The following TTC34 variants were observed in gnomAD, a reference collection of about 807,000 sequenced individuals.
TTC34 encodes the protein tetratricopeptide repeat domain 34.
Under a neutral mutation model 40.7 loss-of-function variants are expected in TTC34, and 44 were observed. The ratio of observed to expected loss-of-function variants is 1.08; its 90% confidence interval spans 0.85 to 1.39. The LOEUF is 1.39. TTC34 is among the 40% of genes most tolerant of loss of function. TTC34 has a pLI of 0.00. For missense variants in TTC34, 884 were observed against 838.0 expected, an observed-to-expected ratio of 1.05 and a Z score of -0.68; for synonymous variants, 422 against 398.6, an observed-to-expected ratio of 1.06 and a Z score of -0.70.
At chr1:2,757,057 G>GCACCCT (rs1641530636) in intron 6 of TTC34, among the ~76,000 whole-genome samples, 3 of 148,702 alleles carry the variant, frequency 2.0e-5, no homozygotes, top group Non-Finnish European at 4.5e-5. Flanking sequence ...GCCTGGAACA[G>GCACCCT]GACCCACACC....
chr1:2,794,092 C>G (rs1243302539), intron 2 of TTC34, among the ~76,000 whole-genome samples: 1 of 152,104 alleles, frequency 6.6e-6, no homozygotes, highest in Non-Finnish European at 1.5e-5. Flanking sequence ...ATCTCCCAAG[C>G]TTAAGAGATC....
At chr1:2,657,386 G>C (rs1284362272) in intron 6 of TTC34, among the ~76,000 whole-genome samples, 1 of 94,486 alleles carries the variant, frequency 1.1e-5, no homozygotes, top group Admixed American at 1.0e-4. Flanking sequence ...CACACCCCGA[G>C]GTGAGCATCT....
At chr1:2,694,992 C>CT (rs1308119225) in intron 6 of TTC34, among the ~76,000 whole-genome samples, 1 of 54,668 alleles carries the variant, frequency 1.8e-5, no homozygotes, top group African/African-American at 7.1e-5. Flanking sequence ...GCACCCTGCA[C>CT]CCCCAGGTGA....
At chr1:2,675,111 GT>G (rs1639853003) in intron 6 of TTC34, among the ~76,000 whole-genome samples, 1 of 2,276 alleles carries the variant, frequency 4.4e-4, no homozygotes, top group Admixed American at 6.7e-3. Context: ...GCCTGGAGCA[GT>G]GCCCACACCC....
chr1:2,790,416 C>T, intron 2 of TTC34, 70 bp from the exon 3 acceptor site: 1 of 398,024 alleles, frequency 2.5e-6, no homozygotes, highest in Non-Finnish European at 4.4e-6. Context: ...CCTGCAAGTC[C>T]CCACCAGGTC....
At chr1:2,677,924 A>G (rs1570793932) in intron 6 of TTC34, among the ~76,000 whole-genome samples, 1 of 32,264 alleles carries the variant, frequency 3.1e-5, no homozygotes. Flanking sequence ...CTGGAGCAGC[A>G]CCCTGCACCC....
intron 6 of TTC34, among the ~76,000 whole-genome samples, chr1:2,652,410 A>G (rs1570753597): frequency 6.6e-5 from 1 of 15,228 alleles, no homozygotes; most frequent in African/African-American, 3.3e-4. Flanking sequence ...GCACACCCCC[A>G]GTGAGCATCT....
At chr1:2,642,025 T>C (rs1638918139) in intron 8 of TTC34, 130 bp from the exon 9 acceptor site, 1 of 1,048,924 alleles carries the variant, frequency 9.5e-7, no homozygotes, top group Non-Finnish European at 1.3e-6. Flanking sequence ...GGCCCTGGGC[T>C]GCACAGGAGC....
intron 6 of TTC34, among the ~76,000 whole-genome samples, chr1:2,648,820 A>C (rs928403014): frequency 2.7e-5 from 4 of 148,522 alleles, no homozygotes; most frequent in Non-Finnish European, 5.9e-5. Context: ...TGTGGGACAG[A>C]CTGGAGCAGC....
intron 6 of TTC34, among the ~76,000 whole-genome samples, chr1:2,674,861 G>T (rs1639837044): frequency 9.3e-6 from 1 of 107,268 alleles, no homozygotes; most frequent in African/African-American, 3.1e-5. Flanking sequence ...GCATCGTAGA[G>T]TCTGGAGCAG....
chr1:2,642,593 G>C (rs751894620), intron 8 of TTC34, among the ~76,000 whole-genome samples: 4 of 152,222 alleles, frequency 2.6e-5, no homozygotes, highest in Non-Finnish European at 4.4e-5. Context: ...AGTCAACCAC[G>C]ACCAGAAATC....
chr1:2,765,767 C>T (rs1641771000), intron 6 of TTC34, among the ~76,000 whole-genome samples: 1 of 40,158 alleles, frequency 2.5e-5, no homozygotes, highest in Non-Finnish European at 3.9e-5. Flanking sequence ...CCCAGGTGAG[C>T]ATGTGACAGC....
chr1:2,779,307 C>G (rs1643438175), intron 6 of TTC34, among the ~76,000 whole-genome samples: 1 of 151,702 alleles, frequency 6.6e-6, no homozygotes, highest in Non-Finnish European at 1.5e-5. Flanking sequence ...ATTGCTTGAT[C>G]ATATGGTAGT....
intron 2 of TTC34, among the ~76,000 whole-genome samples, chr1:2,790,600 C>T (rs1569970973): frequency 6.6e-6 from 1 of 152,204 alleles, no homozygotes; most frequent in Admixed American, 6.5e-5. Context: ...GGCAGCCGCC[C>T]GGCCTGCCAG....
In TTC34 at chr1:2,694,915, C is replaced by T. The variant is rs557614531; in HGVS notation, c.2227-49352G>A. On this transcript the variant is annotated intron_variant, in intron 6 of 8. Coordinates refer to ENST00000401095, the Ensembl canonical transcript of TTC34. ...CAGCCTGGAACAGCACCCACACACTCACGCGAGCACCTGACATCCTTGAGC... is the reference window on the plus strand; with the variant it reads ...CAGCCTGGAACAGCACCCACACACTTACGCGAGCACCTGACATCCTTGAGC... Among the ~76,000 whole-genome samples the T allele has an allele frequency of 2.9e-5, 4 of 140,012 alleles. 1 individual carries two copies. In the South Asian group the frequency reaches 8.9e-4, roughly 31 times the overall value. 91.9% of individuals were successfully genotyped at this position (140,012 alleles called of 152,430 possible).
At chr1:2,776,121 C>T (rs371377911) in intron 6 of TTC34, 24 of 137,168 alleles carry the variant, frequency 1.7e-4, no homozygotes, top group Admixed American at 1.1e-3. Context: ...AAAAGCTCCC[C>T]GCCCTCAGGT....
chr1:2,753,234 C>A (rs1319090157), intron 6 of TTC34, among the ~76,000 whole-genome samples: 3 of 123,244 alleles, frequency 2.4e-5, no homozygotes, highest in Non-Finnish European at 4.9e-5. Flanking sequence ...GAGCATCTGA[C>A]AGCCTGGAGC....
At chr1:2,752,876 C>T (rs1641370991) in intron 6 of TTC34, among the ~76,000 whole-genome samples, 3 of 150,886 alleles carry the variant, frequency 2.0e-5, no homozygotes, top group African/African-American at 7.3e-5. Flanking sequence ...CATCTGATGG[C>T]CTGGAACGGC....
At chr1:2,749,654 G>T (rs1438912112) in intron 6 of TTC34, among the ~76,000 whole-genome samples, 2 of 111,882 alleles carry the variant, frequency 1.8e-5, no homozygotes, top group African/African-American at 4.5e-5. Context: ...CCAGAGGTGA[G>T]CATCCGACAG....
Sources: allele counts gnomAD v4.1 joint callset (sites outside exome capture counted in the v4.1 genomes callset), GRCh38; gene constraint gnomAD v4.1.1; transcripts MANE v1.5; gene names NCBI Gene and HGNC (gene_info 2026-07-23, HGNC 2026-07-21).